GALNT14: variants seen among roughly 807,000 people sequenced by gnomAD.
The protein encoded by GALNT14 is polypeptide N-acetylgalactosaminyltransferase 14.
Under a neutral mutation model 77.5 loss-of-function variants are expected in GALNT14, and 60 were observed. The observed-to-expected ratio is 0.77, with a 90% CI of 0.63 to 0.96. GALNT14 has a LOEUF of 0.96. Among genes scored for constraint, GALNT14 ranks in the 40% least tolerant of loss-of-function variants. The pLI is 0.00. For missense variants in GALNT14, 710 were observed against 731.0 expected (o/e 0.97, Z 0.33); for synonymous variants, 280 against 281.7 (o/e 0.99, Z 0.06).
intron 1 of GALNT14, among the ~76,000 whole-genome samples, chr2:31,049,023 G>A (rs1460891885): frequency 2.0e-5 from 3 of 152,182 alleles, no homozygotes; most frequent in Non-Finnish European, 4.4e-5. Context: ...GAATGAGAAG[G>A]GAGAGAGCAT....
intron 1 of GALNT14, among the ~76,000 whole-genome samples, chr2:31,136,848 A>C (rs1679248459): frequency 6.6e-6 from 1 of 152,162 alleles, no homozygotes; most frequent in Non-Finnish European, 1.5e-5. Context: ...ACTTATGAGG[A>C]AGGCACCTAC....
intron 1 of GALNT14, among the ~76,000 whole-genome samples, chr2:31,043,646 G>T (rs1310872390): frequency 6.8e-6 from 1 of 146,582 alleles, no homozygotes; most frequent in Non-Finnish European, 1.5e-5. Context: ...ACAAGGAAGG[G>T]ATGGATCAGG....
chr2:30,983,807 ACG>A (rs1669132357), intron 2 of GALNT14, among the ~76,000 whole-genome samples: 1 of 27,094 alleles, frequency 3.7e-5, no homozygotes, highest in African/African-American at 1.4e-4. Context: ...ACACACACAC[ACG>A]TATGCACACA....
intron 1 of GALNT14, among the ~76,000 whole-genome samples, chr2:31,053,667 G>C (rs974520284): frequency 2.6e-5 from 4 of 152,132 alleles, no homozygotes; most frequent in African/African-American, 9.7e-5. Context: ...CTAAAAAGCA[G>C]TTGCCTGCTT....
At chr2:31,069,462 G>A (rs899545188) in intron 1 of GALNT14, among the ~76,000 whole-genome samples, 1 of 152,218 alleles carries the variant, frequency 6.6e-6, no homozygotes. Flanking sequence ...CCCTAGGAAG[G>A]AAACACTGTT....
intron 9 of GALNT14, among the ~76,000 whole-genome samples, chr2:30,937,756 C>A (rs1270607260): frequency 6.6e-6 from 1 of 152,140 alleles, no homozygotes; most frequent in East Asian, 1.9e-4. Context: ...TGACCCGAAA[C>A]GCATCTGGGA....
At chr2:31,061,751 G>A (rs1328936139) in intron 1 of GALNT14, among the ~76,000 whole-genome samples, 1 of 152,176 alleles carries the variant, frequency 6.6e-6, no homozygotes, top group African/African-American at 2.4e-5. Context: ...GTTGGCTCAT[G>A]CTATTTCCCC....
intron 2 of GALNT14, among the ~76,000 whole-genome samples, chr2:30,977,334 G>A (rs181423532): frequency 1.1e-4 from 17 of 152,132 alleles, no homozygotes; most frequent in East Asian, 3.9e-4. Flanking sequence ...CAGGTGATCC[G>A]CCCACCAGGT....
chr2:31,027,288 C>T (rs1273628922), intron 1 of GALNT14, among the ~76,000 whole-genome samples: 2 of 152,080 alleles, frequency 1.3e-5, no homozygotes, highest in African/African-American at 4.8e-5. Flanking sequence ...AAAAATTAGC[C>T]GGGCATGGTG....
chr2:30,989,575 TATATATAA>T (rs922699956), intron 2 of GALNT14, among the ~76,000 whole-genome samples: 6 of 127,830 alleles, frequency 4.7e-5, no homozygotes, highest in African/African-American at 1.4e-4. Context: ...TATATATATA[TATATATAA>T]AAATATATAT....
rs974192622 is a variant in GALNT14 at position 31,078,867 on chromosome 2, G to T, written c.129+59091C>A. On this transcript the variant is annotated intron_variant, in intron 1 of 14. Transcript: ENST00000349752. ...AGAACCCAGGCACAGGAGAGCAGGGGAAAGTAGGGCAAAGCAGGGTTTGGG... is the reference window on the plus strand; with the variant it reads ...AGAACCCAGGCACAGGAGAGCAGGGTAAAGTAGGGCAAAGCAGGGTTTGGG... The T allele has an allele frequency of 4.7e-6, 6 of 1,265,406 alleles. No individual in the cohort carries two copies. In the African/African-American group the frequency reaches 9.2e-5, roughly 19 times the overall value. 78.4% of individuals were successfully genotyped at this position (1,265,406 alleles called of 1,614,324 possible).
intron 6 of GALNT14, among the ~76,000 whole-genome samples, chr2:30,946,530 T>C (rs932843506): frequency 1.3e-5 from 2 of 152,148 alleles, no homozygotes; most frequent in African/African-American, 4.8e-5. Context: ...TCTGCCATGA[T>C]TGTAAGTTTC....
intron 1 of GALNT14, among the ~76,000 whole-genome samples, chr2:31,079,372 T>C (rs1429631832): frequency 1.3e-5 from 2 of 152,064 alleles, no homozygotes; most frequent in Non-Finnish European, 2.9e-5. Context: ...AGCTAAGAAA[T>C]CTGGGGGTGG....
intron 13 of GALNT14, among the ~76,000 whole-genome samples, chr2:30,916,692 GAA>G (rs1664698902): frequency 6.6e-6 from 1 of 152,220 alleles, no homozygotes; most frequent in African/African-American, 2.4e-5. Flanking sequence ...CATAGCTGTG[GAA>G]GCTGGGATGC....
chr2:31,101,539 G>A (rs1677276457), intron 1 of GALNT14, among the ~76,000 whole-genome samples: 1 of 151,292 alleles, frequency 6.6e-6, no homozygotes, highest in Non-Finnish European at 1.5e-5. Flanking sequence ...GGCCCATTTG[G>A]GTAATTTTTA....
chr2:31,101,073 G>A (rs1477898891), intron 1 of GALNT14, among the ~76,000 whole-genome samples: 1 of 151,958 alleles, frequency 6.6e-6, no homozygotes, highest in Non-Finnish European at 1.5e-5. Context: ...AAAGCATCAT[G>A]AGTCAGGGAC....
At chr2:31,014,091 T>C (rs556212921) in intron 1 of GALNT14, among the ~76,000 whole-genome samples, 1 of 152,240 alleles carries the variant, frequency 6.6e-6, no homozygotes, top group Non-Finnish European at 1.5e-5. Context: ...CTTAACCTGT[T>C]TGAACCTCAG....
intron 1 of GALNT14, among the ~76,000 whole-genome samples, chr2:31,095,071 C>T (rs1016255100): frequency 3.9e-5 from 6 of 152,052 alleles, no homozygotes; most frequent in African/African-American, 1.5e-4. Context: ...CAGTGATGAG[C>T]TGAGTTAAAG....
At chr2:30,917,128 T>C (rs766825134) in intron 13 of GALNT14, among the ~76,000 whole-genome samples, 78 of 139,814 alleles carry the variant, frequency 5.6e-4, no homozygotes, top group Non-Finnish European at 9.1e-4. Flanking sequence ...AGGACGAGCC[T>C]GGGCCCAGGC....
Sources: gnomAD v4.1 joint callset for allele counts (sites outside exome capture counted in the v4.1 genomes callset) on GRCh38, gnomAD v4.1.1 for gene constraint, MANE v1.5 for transcripts, NCBI Gene and HGNC (gene_info 2026-07-23, HGNC 2026-07-21) for gene names.